Variants in FAF1 observed in about 807,000 individuals in gnomAD.
FAF1 encodes the protein Fas associated factor 1.
Under a neutral mutation model 92.5 loss-of-function variants are expected in FAF1, and 25 were observed. The ratio of observed to expected loss-of-function variants is 0.27; its 90% CI spans 0.20 to 0.38. FAF1 has a LOEUF of 0.38. Ranked by LOEUF, FAF1 falls within the 10% of genes least tolerant of loss-of-function variation. FAF1 has a pLI of 1.00. For missense variants in FAF1, 636 were observed against 793.3 expected (o/e 0.80, Z 2.38); for synonymous variants, 234 against 273.2 (o/e 0.86, Z 1.42).
At chr1:50,758,699 A>T (rs1417243227) in intron 4 of FAF1, among the ~76,000 whole-genome samples, 2 of 152,154 alleles carry the variant, frequency 1.3e-5, no homozygotes, top group African/African-American at 4.8e-5. Context: ...TATAGCTTTT[A>T]TCTGAAAACT....
intron 9 of FAF1, among the ~76,000 whole-genome samples, chr1:50,592,855 T>C (rs148635929): frequency 6.6e-6 from 1 of 151,922 alleles, no homozygotes; most frequent in East Asian, 1.9e-4. Flanking sequence ...CGAGAATTGC[T>C]TGAACCCGTG....
intron 2 of FAF1, among the ~76,000 whole-genome samples, chr1:50,854,747 G>C (rs1231776166): frequency 1.3e-5 from 2 of 151,740 alleles, no homozygotes; most frequent in Non-Finnish European, 1.5e-5. Flanking sequence ...CTATAGAATA[G>C]CTGTTATCAG....
intron 4 of FAF1, among the ~76,000 whole-genome samples, chr1:50,758,117 T>C (rs1396507529): frequency 1.3e-5 from 2 of 152,158 alleles, no homozygotes; most frequent in African/African-American, 4.8e-5. Context: ...GATGTTTTGC[T>C]ATATTGGCCA....
chr1:50,883,245 A>G (rs1474527230), intron 1 of FAF1, among the ~76,000 whole-genome samples: 1 of 152,174 alleles, frequency 6.6e-6, no homozygotes, highest in African/African-American at 2.4e-5. Context: ...ATAAATAAAA[A>G]TGCCTATACT....
chr1:50,931,367 C>T (rs891387645), intron 1 of FAF1, among the ~76,000 whole-genome samples: 1 of 152,050 alleles, frequency 6.6e-6, no homozygotes, highest in Non-Finnish European at 1.5e-5. Context: ...TTTGTTTTCA[C>T]GCTGCTGATA....
intron 2 of FAF1, among the ~76,000 whole-genome samples, chr1:50,828,229 T>A (rs1644120206): frequency 6.6e-6 from 1 of 150,402 alleles, no homozygotes; most frequent in Non-Finnish European, 1.5e-5. Flanking sequence ...AAGATGGCAC[T>A]GCAGAGAAGT....
chr1:50,806,329 C>A (rs1018397145), intron 2 of FAF1, among the ~76,000 whole-genome samples: 1 of 152,132 alleles, frequency 6.6e-6, no homozygotes, highest in Non-Finnish European at 1.5e-5. Context: ...CCACCACACA[C>A]CCAATGGTTA....
At chr1:50,507,151 G>C (rs1370345185) in intron 15 of FAF1, among the ~76,000 whole-genome samples, 1 of 152,142 alleles carries the variant, frequency 6.6e-6, no homozygotes, top group Non-Finnish European at 1.5e-5. Context: ...GCACTTAGTA[G>C]GTATTCAACA....
chr1:50,552,205 G>A (rs1323300142), intron 13 of FAF1, among the ~76,000 whole-genome samples: 2 of 151,616 alleles, frequency 1.3e-5, no homozygotes, highest in Non-Finnish European at 2.9e-5. Context: ...GTTGAGGCAG[G>A]AGAATAGCTT....
intron 2 of FAF1, among the ~76,000 whole-genome samples, chr1:50,850,204 T>TA (rs1644336603): frequency 6.6e-6 from 1 of 151,712 alleles, no homozygotes; most frequent in African/African-American, 2.4e-5. Flanking sequence ...GCAAAAAACT[T>TA]AGAGGTAGAA....
chr1:50,802,679 T>C (rs1662040947), intron 2 of FAF1, among the ~76,000 whole-genome samples: 1 of 152,168 alleles, frequency 6.6e-6, no homozygotes, highest in African/African-American at 2.4e-5. Flanking sequence ...GAGAATATTC[T>C]CAGGAAAACA....
intron 15 of FAF1, among the ~76,000 whole-genome samples, chr1:50,500,380 T>C (rs1444675678): frequency 1.3e-5 from 2 of 152,166 alleles, no homozygotes; most frequent in Admixed American, 6.5e-5. Context: ...ACACATACGT[T>C]TGACAAAGGT....
intron 1 of FAF1, among the ~76,000 whole-genome samples, chr1:50,923,240 A>G (rs1429318065): frequency 2.6e-5 from 4 of 152,092 alleles, no homozygotes; most frequent in Non-Finnish European, 4.4e-5. Context: ...GCAATATAGA[A>G]AAACCCATCA....
chr1:50,797,883 T>C (rs1422818109), intron 3 of FAF1, among the ~76,000 whole-genome samples: 1 of 152,154 alleles, frequency 6.6e-6, no homozygotes, highest in African/African-American at 2.4e-5. Flanking sequence ...AAGCTCTATG[T>C]AGAAATCTAT....
At chr1:50,810,789 C>T (rs765907341) in intron 2 of FAF1, among the ~76,000 whole-genome samples, 3 of 152,178 alleles carry the variant, frequency 2.0e-5, no homozygotes, top group African/African-American at 2.4e-5. Flanking sequence ...TGATTCACAC[C>T]TGTAATCCCA....
At chr1:50,502,308 G>T (rs936336992) in intron 15 of FAF1, among the ~76,000 whole-genome samples, 5 of 152,134 alleles carry the variant, frequency 3.3e-5, no homozygotes, top group African/African-American at 9.7e-5. Flanking sequence ...GAAATGCAAG[G>T]TTACATGAGA....
At chr1:50,909,939 C>A (rs899861424) in intron 1 of FAF1, among the ~76,000 whole-genome samples, 2 of 152,204 alleles carry the variant, frequency 1.3e-5, no homozygotes, top group Admixed American at 1.3e-4. Flanking sequence ...AGCTGCATTC[C>A]TCTGGAGGAG....
intron 8 of FAF1, among the ~76,000 whole-genome samples, chr1:50,638,106 G>A (rs1051754766): frequency 6.6e-6 from 1 of 152,040 alleles, no homozygotes; most frequent in African/African-American, 2.4e-5. Context: ...ATTTCAAAAT[G>A]TTGTTTGCTA....
At chr1:50,670,036 G>C (rs535999908) in intron 7 of FAF1, among the ~76,000 whole-genome samples, 1 of 150,824 alleles carries the variant, frequency 6.6e-6, no homozygotes, top group African/African-American at 2.4e-5. Flanking sequence ...GAGGAGAATC[G>C]CTTGAACAAG....
Sources: gnomAD v4.1 joint callset for allele counts (sites outside exome capture counted in the v4.1 genomes callset) on GRCh38, gnomAD v4.1.1 for gene constraint, MANE v1.5 for transcripts, NCBI Gene and HGNC (gene_info 2026-07-23, HGNC 2026-07-21) for gene names.